XYLT1: variants seen among roughly 807,000 people sequenced by gnomAD.
The protein encoded by XYLT1 is beta-D-xylosyltransferase 1.
Under a neutral mutation model 91.3 loss-of-function variants are expected in XYLT1, and 36 were observed. The ratio of observed to expected loss-of-function variants is 0.39; its 90% confidence interval spans 0.30 to 0.52. XYLT1 has a LOEUF of 0.52. XYLT1 is among the 20% of genes least tolerant of loss of function. The pLI is 0.68. For synonymous variants in XYLT1, 588 were observed against 532.0 expected (o/e 1.11, Z -1.45); for missense variants, 1,242 against 1,284.5 (o/e 0.97, Z 0.51).
intron 5 of XYLT1, among the ~76,000 whole-genome samples, chr16:17,162,038 G>A (rs2031567930): frequency 2.0e-5 from 3 of 152,174 alleles, no homozygotes; most frequent in South Asian, 4.1e-4. Flanking sequence ...TTTACTAAAT[G>A]TGCACCATGC....
intron 2 of XYLT1, among the ~76,000 whole-genome samples, chr16:17,318,539 G>C (rs147984018): frequency 1.3e-5 from 2 of 152,190 alleles, no homozygotes; most frequent in African/African-American, 4.8e-5. Flanking sequence ...CCTGTTTCCC[G>C]CATGCAAAGA....
intron 6 of XYLT1, among the ~76,000 whole-genome samples, chr16:17,150,643 G>A: frequency 6.6e-6 from 1 of 152,180 alleles, no homozygotes; most frequent in East Asian, 1.9e-4. Context: ...GACCCACACA[G>A]CTGGTGAGTG....
chr16:17,298,036 T>C (rs950288808), intron 2 of XYLT1, among the ~76,000 whole-genome samples: 2 of 150,136 alleles, frequency 1.3e-5, no homozygotes, highest in South Asian at 2.1e-4. Context: ...AAAAAAAAAA[T>C]TATTCCTGCC....
rs145131276 is a variant in XYLT1 at position 17,107,766 on chromosome 16, TTCATGG to T, written c.*923_*928del. ...AGTTTCATCGCGTTGCCTTGTGAGT[TTCATGG>T]TCATGGCTGTCAAAGTTCCCATTTT... On this transcript the variant is annotated 3_prime_UTR_variant, in exon 12 of 12. Coordinates refer to ENST00000261381, the MANE Select transcript of XYLT1 (RefSeq NM_022166.4). The T allele has an allele frequency of 0.016, 2,369 of 152,764 alleles. 58 individuals carry two copies. Among genetic ancestry groups the T allele is most frequent in the African/African-American group, 0.045 (1,876 of 41,548 alleles). The allele number at this position is 152,764 out of a possible 1,614,324, so 9.5% of individuals were successfully genotyped here.
intron 2 of XYLT1, among the ~76,000 whole-genome samples, chr16:17,297,656 G>A (rs950230452): frequency 6.6e-6 from 1 of 152,082 alleles, no homozygotes; most frequent in Non-Finnish European, 1.5e-5. Flanking sequence ...CTAGGAGGTC[G>A]AGGCTGCAGT....
intron 3 of XYLT1, among the ~76,000 whole-genome samples, chr16:17,254,821 G>A (rs57539171): frequency 0.018 from 2,775 of 152,234 alleles, 93 homozygotes; most frequent in African/African-American, 0.063. Flanking sequence ...GGTTTTCAGG[G>A]AGTCAAAAGT....
In XYLT1 at chr16:17,240,652, C is replaced by T. The variant is rs545735940; in HGVS notation, c.913+18336G>A. On this transcript the variant is annotated intron_variant, in intron 3 of 11. Transcript: ENST00000261381. Reference sequence around the variant, plus strand: ...TTTTTCAAGCTCTTCGGGACCAAGCCTGAACCAGCCTCAGTGGCCTGAGCT... The same window carrying T: ...TTTTTCAAGCTCTTCGGGACCAAGCTTGAACCAGCCTCAGTGGCCTGAGCT... Among the ~76,000 whole-genome samples, 27 of 152,282 alleles carry T rather than the reference C, an allele frequency of 1.8e-4. No individual in the cohort carries two copies. In the South Asian group the frequency reaches 5.4e-3, roughly 30 times the overall value.
rs2141862764 is a variant in XYLT1, at chr16:17,358,032, G to A, written c.382C>T (p.Leu128Phe). ...CTTACCTGAGTCTCCAGGGTGATGA[G>A]CGGACTTGGGTGTGGATCCTGTAGG... is the stretch of plus-strand genomic sequence containing the variant. ...ARALDPHPSP[L>F]ITLETQDGYF... is the part of the protein sequence containing the mutation. The change falls in exon 2 of 12, where the codon CTC (leucine) becomes TTC (phenylalanine). Residue 128 changes from leucine to phenylalanine, a missense_variant. Physicochemically the swap from Leu to Phe is conservative, Grantham distance 22. Coordinates refer to ENST00000261381, the MANE Select transcript of XYLT1 (RefSeq NM_022166.4). 6.2e-7 allele frequency: 1 copy of A among 1,613,734 alleles called. No individual in the cohort carries two copies. Among genetic ancestry groups the A allele is most frequent in the East Asian group, 2.2e-5 (1 of 44,842 alleles).
chr16:17,426,194 G>C (rs1032997116), intron 1 of XYLT1, among the ~76,000 whole-genome samples: 3 of 152,200 alleles, frequency 2.0e-5, no homozygotes, highest in Non-Finnish European at 4.4e-5. Context: ...TAGATACGGG[G>C]AGAAAAAGTT....
At chr16:17,336,468 G>C (rs935303697) in intron 2 of XYLT1, among the ~76,000 whole-genome samples, 1 of 152,178 alleles carries the variant, frequency 6.6e-6, no homozygotes, top group African/African-American at 2.4e-5. Context: ...GCAGGCAAAG[G>C]CCAGTGAGAA....
At chr16:17,118,266 G>C (rs1424321852) in intron 10 of XYLT1, among the ~76,000 whole-genome samples, 6 of 135,362 alleles carry the variant, frequency 4.4e-5, no homozygotes, top group East Asian at 2.2e-4. Flanking sequence ...CACATGAGCT[G>C]AATGAGTGAA....
intron 1 of XYLT1, among the ~76,000 whole-genome samples, chr16:17,370,155 AAC>A (rs2035512317): frequency 6.6e-6 from 1 of 152,186 alleles, no homozygotes; most frequent in Admixed American, 6.5e-5. Context: ...GACTCTCCTT[AAC>A]TCTGTCTCAA....
At chr16:17,184,868 T>G (rs2032149960) in intron 5 of XYLT1, among the ~76,000 whole-genome samples, 1 of 152,230 alleles carries the variant, frequency 6.6e-6, no homozygotes, top group Non-Finnish European at 1.5e-5. Context: ...TGTTTTCCGT[T>G]GTGAAAGAAA....
At chr16:17,141,130 G>A (rs2030961240) in intron 7 of XYLT1, 23 bp downstream of exon 7, 1 of 1,608,726 alleles carries the variant, frequency 6.2e-7, no homozygotes, top group Non-Finnish European at 8.5e-7. Context: ...ATCTTTCTTG[G>A]GAAAATTTTC....
chr16:17,459,766 A>ACATCTGTCTTTCC (rs1239621062), intron 1 of XYLT1, among the ~76,000 whole-genome samples: 2 of 152,178 alleles, frequency 1.3e-5, no homozygotes, highest in Admixed American at 6.5e-5. Flanking sequence ...GGGCAGGGTC[A>ACATCTGTCTTTCC]CATCTGTCTT....
At chr16:17,364,053 AAAG>A (rs2035416164) in intron 1 of XYLT1, among the ~76,000 whole-genome samples, 1 of 152,114 alleles carries the variant, frequency 6.6e-6, no homozygotes, top group Non-Finnish European at 1.5e-5. Context: ...TCACCTCAGT[AAAG>A]GCCTTATCTC....
At chr16:17,322,652 T>C (rs1356112103) in intron 2 of XYLT1, among the ~76,000 whole-genome samples, 6 of 152,208 alleles carry the variant, frequency 3.9e-5, no homozygotes, top group South Asian at 2.1e-4. Context: ...AACTCTTTTT[T>C]ACTCATTGGA....
chr16:17,188,383 A>T (rs2032235395), intron 5 of XYLT1, among the ~76,000 whole-genome samples: 1 of 152,082 alleles, frequency 6.6e-6, no homozygotes, highest in African/African-American at 2.4e-5. Context: ...GCCTCGACCT[A>T]CCTCATTTGT....
At chr16:17,419,202 C>T (rs554899052) in intron 1 of XYLT1, among the ~76,000 whole-genome samples, 1 of 151,692 alleles carries the variant, frequency 6.6e-6, no homozygotes, top group Admixed American at 6.6e-5. Flanking sequence ...TGAAGCCATC[C>T]ATGGTGGTGA....
Sources: allele counts gnomAD v4.1 joint callset (sites outside exome capture counted in the v4.1 genomes callset), GRCh38; gene constraint gnomAD v4.1.1; transcripts MANE v1.5; gene names NCBI Gene and HGNC (gene_info 2026-07-23, HGNC 2026-07-21).